Variants in PDE4C observed in about 807,000 individuals in gnomAD.
The protein encoded by PDE4C is 3',5'-cyclic-AMP phosphodiesterase 4C.
A neutral mutation model predicts 63.9 loss-of-function variants in PDE4C; 50 were observed. The ratio of observed to expected loss-of-function variants is 0.78; its 90% CI spans 0.62 to 0.99. The LOEUF (loss-of-function observed/expected upper bound fraction) is 0.99. Among genes scored for constraint, PDE4C ranks in the 50% least tolerant of loss-of-function variants. PDE4C has a pLI of 0.00. For missense variants in PDE4C, 777 were observed against 899.1 expected (o/e 0.86, Z 1.74); for synonymous variants, 377 against 385.1 (o/e 0.98, Z 0.25).
chr19:18,249,676 C>A (rs532212122), upstream of PDE4C, among the ~76,000 whole-genome samples: 1 of 149,776 alleles, frequency 6.7e-6, no homozygotes, highest in Non-Finnish European at 1.5e-5. Context: ...CTGGTTCAAG[C>A]GATTCTCTGC....
chr19:18,213,318 G>T, intron 13 of PDE4C, 50 bp downstream of exon 13: 1 of 1,499,794 alleles, frequency 6.7e-7, no homozygotes, highest in South Asian at 1.3e-5. Flanking sequence ...AATAAATAAA[G>T]TAAAACCAAA....
exon 15 of PDE4C, chr19:18,210,667 A>T (rs1363345887): frequency 1.3e-5 from 5 of 382,254 alleles, no homozygotes; most frequent in African/African-American, 1.0e-4. Flanking sequence ...CAGGGATAGA[A>T]GCCCAGGAGA....
intron 13 of PDE4C, among the ~76,000 whole-genome samples, chr19:18,213,094 A>T (rs1329051508): frequency 6.7e-6 from 1 of 150,242 alleles, no homozygotes; most frequent in African/African-American, 2.4e-5. Flanking sequence ...GGAGATTGAG[A>T]CCATGGTGAA....
chr19:18,252,200 A>C (rs1369099813), upstream of PDE4C: 4 of 398,932 alleles, frequency 1.0e-5, no homozygotes, highest in African/African-American at 6.2e-5. Context: ...TGAGCTCTGC[A>C]CTGGGGGAGC....
At chr19:18,224,094 C>T (rs1968614799) in intron 1 of PDE4C, 5 of 593,622 alleles carry the variant, frequency 8.4e-6, no homozygotes, top group South Asian at 7.4e-5. Context: ...GCTTTCTGCC[C>T]GGCCCACCCT....
upstream of PDE4C, among the ~76,000 whole-genome samples, chr19:18,248,594 G>T (rs4808123): frequency 8.1e-3 from 1,227 of 152,184 alleles, 8 homozygotes; most frequent in Admixed American, 0.013. Flanking sequence ...AGCAGCTCTG[G>T]GAAGGGGGGG....
Position 18,223,888 on chromosome 19 carries a change from T to C in PDE4C, c.147-1565A>G, listed in dbSNP as rs573709594. Among the ~76,000 whole-genome samples the C allele has an allele frequency of 1.6e-3, 249 of 152,230 alleles. 2 individuals carry two copies. The highest frequency in any genetic ancestry group is 5.7e-3 in the African/African-American group (238 of 41,544). Reference sequence around the variant, plus strand: ...AGAGAGACCCCACTCCTAGCCAACTTGCTCACACCCTTGGCTACCTGCCAC... The same window carrying C: ...AGAGAGACCCCACTCCTAGCCAACTCGCTCACACCCTTGGCTACCTGCCAC... On this transcript the variant is annotated intron_variant, in intron 1 of 14. Coordinates refer to ENST00000262805, the Ensembl canonical transcript of PDE4C.
chr19:18,237,227 T>C (rs1434871094), upstream of PDE4C, among the ~76,000 whole-genome samples: 6 of 152,150 alleles, frequency 3.9e-5, no homozygotes, highest in East Asian at 1.2e-3. Context: ...ATCTGTGAAG[T>C]AGGGATCTCA....
chr19:18,253,831 C>T, the PDE4C span, among the ~76,000 whole-genome samples: 1 of 152,220 alleles, frequency 6.6e-6, no homozygotes, highest in South Asian at 2.1e-4. Context: ...GTAAGCAGTT[C>T]ATGAGCCACC....
chr19:18,227,553 T>C (rs1430933497), upstream of PDE4C, among the ~76,000 whole-genome samples: 2 of 152,250 alleles, frequency 1.3e-5, no homozygotes, highest in Non-Finnish European at 2.9e-5. Context: ...TCCCAGAGTC[T>C]GTACCAGGTG....
At chr19:18,226,597 C>A, upstream of PDE4C, 3 of 381,404 alleles carry the variant, frequency 7.9e-6, no homozygotes, top group Non-Finnish European at 4.6e-6. Context: ...AGACGCAACT[C>A]TCTGCTCCTT....
upstream of PDE4C, among the ~76,000 whole-genome samples, chr19:18,226,773 A>C (rs1968745885): frequency 6.6e-6 from 1 of 151,594 alleles, no homozygotes; most frequent in South Asian, 2.1e-4. Flanking sequence ...GCCCGGGCTA[A>C]TGTATTTTCT....
At chr19:18,235,188 T>A (rs2148058038), upstream of PDE4C, among the ~76,000 whole-genome samples, 1 of 152,286 alleles carries the variant, frequency 6.6e-6, no homozygotes, top group East Asian at 1.9e-4. Context: ...TTTGTTTGTT[T>A]GAGACGGAGT....
exon 14 of PDE4C, chr19:18,211,849 C>T: frequency 1.9e-6 from 3 of 1,614,248 alleles, no homozygotes; most frequent in Non-Finnish European, 2.5e-6. Flanking sequence ...GCTGGAAGAA[C>T]TCGGCCATGA....
At chr19:18,248,550 G>A (rs1248246175), upstream of PDE4C, among the ~76,000 whole-genome samples, 3 of 151,918 alleles carry the variant, frequency 2.0e-5, no homozygotes, top group South Asian at 6.2e-4. Flanking sequence ...TAGAGTGAGA[G>A]AGAGGGCGCG....
At position 18,220,908 on chromosome 19, in the gene PDE4C, T is replaced by A. The variant is rs1198982825; in HGVS notation, c.465A>T (p.Gly155=). 1.9e-6 allele frequency: 3 copies of A among 1,606,570 alleles called. No individual in the cohort carries two copies. The highest frequency in any genetic ancestry group is 4.5e-5 in the East Asian group (2 of 44,608). ...GGAGCTGATTGCTGGATGAAGGGTT[T>A]CCGACGGGTCCCTGCCTGCGGTACA... The change falls in exon 5 of 15, where the codon GGA becomes GGT. Residue 155 remains glycine (G), a synonymous_variant. Transcript: ENST00000262805. The surrounding 1 kb of genome is among the most constrained non-coding windows in gnomAD (Gnocchi z 5.1).
chr19:18,220,385 C>G lies in PDE4C; in HGVS notation c.612+18G>C. On this transcript the variant is annotated intron_variant, in intron 6 of 14. Transcript: ENST00000262805. The surrounding 1 kb of genome is among the most constrained non-coding windows in gnomAD (Gnocchi z 5.1). The stretch of plus-strand genomic sequence containing the variant: ...CGTGGGCCGAGGCAGGTGAGCTCAG[C>G]GATCTGCCCCACCTCACCTTGTTGG... 6.2e-7 allele frequency: 1 copy of G among 1,611,526 alleles called. No homozygotes were observed. Among genetic ancestry groups the G allele is most frequent in the Non-Finnish European group, 8.5e-7 (1 of 1,177,670 alleles).
At chr19:18,252,502 C>T (rs1052389499), upstream of PDE4C, 5 of 398,990 alleles carry the variant, frequency 1.3e-5, no homozygotes, top group African/African-American at 8.2e-5. Context: ...CGGTGGCTCA[C>T]GCCTGTAATT....
upstream of PDE4C, among the ~76,000 whole-genome samples, chr19:18,249,279 T>C (rs1969194887): frequency 6.6e-6 from 1 of 152,020 alleles, no homozygotes; most frequent in South Asian, 2.1e-4. Context: ...CCCCCAGTTT[T>C]GTTTGTTTGT....
Sources: allele counts gnomAD v4.1 joint callset (sites outside exome capture counted in the v4.1 genomes callset), GRCh38; gene constraint gnomAD v4.1.1; non-coding constraint Gnocchi (gnomAD v3.1); transcripts MANE v1.5; gene names NCBI Gene and HGNC (gene_info 2026-07-23, HGNC 2026-07-21).